PLD5: variants seen among roughly 807,000 people sequenced by gnomAD.
PLD5 encodes phospholipase D family member 5.
A neutral mutation model predicts 61.1 loss-of-function variants in PLD5; 36 were observed. The observed-to-expected ratio is 0.59, with a 90% CI of 0.45 to 0.78. PLD5 has a LOEUF of 0.78. PLD5 is among the 30% of genes least tolerant of loss of function. The pLI, the probability that PLD5 is intolerant of heterozygous loss-of-function variation, is 0.00. For synonymous variants in PLD5, 243 were observed against 242.8 expected (o/e 1.00, Z -0.01); for missense variants, 515 against 644.4 (o/e 0.80, Z 2.17).
chr1:242,296,193 T>C (rs547623226), intron 2 of PLD5, among the ~76,000 whole-genome samples: 362 of 152,316 alleles, frequency 2.4e-3, no homozygotes, highest in African/African-American at 8.0e-3. Flanking sequence ...GTTGCTGATA[T>C]GTCTCCTTTT....
chr1:242,387,782 G>A (rs918073863), intron 1 of PLD5, among the ~76,000 whole-genome samples: 3 of 149,888 alleles, frequency 2.0e-5, no homozygotes, highest in South Asian at 4.2e-4. Flanking sequence ...AAGTGACAAC[G>A]AAAGCTGTTT....
chr1:242,435,132 A>C (rs1341549777), intron 1 of PLD5, among the ~76,000 whole-genome samples: 1 of 152,122 alleles, frequency 6.6e-6, no homozygotes, highest in Non-Finnish European at 1.5e-5. Context: ...CTGAACACAC[A>C]GTACAGTTAG....
At chr1:242,371,720 C>G (rs1558504591) in intron 1 of PLD5, among the ~76,000 whole-genome samples, 1 of 152,120 alleles carries the variant, frequency 6.6e-6, no homozygotes, top group Non-Finnish European at 1.5e-5. Context: ...TCCCTCTTCT[C>G]TGATTACAAG....
In PLD5 at chr1:242,241,991, CTATATATA is replaced by C. The variant is rs71579089; in HGVS notation, c.608-21884_608-21877del. Among the ~76,000 whole-genome samples the C allele has an allele frequency of 1.0e-4, 12 of 115,316 alleles. No individual in the cohort carries two copies. In the East Asian group the frequency reaches 3.0e-3, roughly 29 times the overall value. 75.7% of individuals were successfully genotyped at this position (115,316 alleles called of 152,430 possible). On this transcript the variant is annotated intron_variant, in intron 4 of 9. Coordinates refer to ENST00000536534, the MANE Select transcript of PLD5 (RefSeq NM_001372062.1). ...CTTAAATATATACTATATATACTTACTATATATATATATATATATAGACACACACACAC... is the reference window on the plus strand; with the variant it reads ...CTTAAATATATACTATATATACTTACTATATATATATAGACACACACACAC...
chr1:242,124,646 A>T lies in PLD5; in HGVS notation c.755T>A (p.Ile252Asn). Residue 252 changes from isoleucine (I) to asparagine (N), a missense_variant, in exon 6 of 10, where the codon ATC (isoleucine) becomes AAC (asparagine). Ile to Asn is a moderately radical substitution (Grantham distance 149). This residue lies in a region of PLD5 where 450 missense variants were observed against 598.1 expected (regional missense o/e 0.75). Coordinates refer to ENST00000536534, the MANE Select transcript of PLD5 (RefSeq NM_001372062.1). ...GACCAGGCAGCTGCAGTTGTAGAAG[A>T]TGACACCGAGTTCTTTCATCTGTGA... ...SLGQMKELGV[I>N]FYNCSCLVLD... 6.2e-7 allele frequency: 1 copy of T among 1,613,660 alleles called. No individual in the cohort carries two copies.
chr1:242,112,346 T>G (rs796370936), intron 7 of PLD5, among the ~76,000 whole-genome samples: 2,141 of 150,458 alleles, frequency 0.014, 72 homozygotes, highest in African/African-American at 0.049. Context: ...TGTGTATATA[T>G]ATATATAGAT....
chr1:242,386,382 C>T (rs1470718466), intron 1 of PLD5, among the ~76,000 whole-genome samples: 3 of 152,034 alleles, frequency 2.0e-5, no homozygotes, highest in South Asian at 2.1e-4. Context: ...TTAAGTGATC[C>T]GTGTGAGCAT....
chr1:242,118,947 T>C (rs901636789), intron 6 of PLD5, among the ~76,000 whole-genome samples: 1 of 152,228 alleles, frequency 6.6e-6, no homozygotes, highest in Non-Finnish European at 1.5e-5. Context: ...TCCAACTGTT[T>C]AATTAAAGAG....
chr1:242,319,851 C>T (rs1439232002), intron 2 of PLD5, among the ~76,000 whole-genome samples: 1 of 152,250 alleles, frequency 6.6e-6, no homozygotes, highest in African/African-American at 2.4e-5. Flanking sequence ...CCCCCTCTCA[C>T]ATGTAAAATG....
At chr1:242,469,418 T>C (rs575283104) in intron 1 of PLD5, among the ~76,000 whole-genome samples, 1 of 152,368 alleles carries the variant, frequency 6.6e-6, no homozygotes, top group East Asian at 1.9e-4. Flanking sequence ...TTCAAGTATT[T>C]ATTGTCCACT....
At chr1:242,439,007 T>C (rs1013641881) in intron 1 of PLD5, among the ~76,000 whole-genome samples, 1 of 152,216 alleles carries the variant, frequency 6.6e-6, no homozygotes, top group Non-Finnish European at 1.5e-5. Context: ...TATTTCTGTT[T>C]TCTTTACATG....
chr1:242,176,898 TG>T (rs1332106046), intron 5 of PLD5, among the ~76,000 whole-genome samples: 2 of 152,164 alleles, frequency 1.3e-5, no homozygotes, highest in Non-Finnish European at 2.9e-5. Flanking sequence ...CCAGTTAGTA[TG>T]GGGATAATTT....
intron 2 of PLD5, among the ~76,000 whole-genome samples, chr1:242,317,540 A>C (rs923267597): frequency 6.6e-5 from 10 of 152,198 alleles, no homozygotes; most frequent in Non-Finnish European, 1.2e-4. Flanking sequence ...AGAGAAGTTC[A>C]AATTGAGGCA....
chr1:242,405,507 T>G (rs527283290), intron 1 of PLD5, among the ~76,000 whole-genome samples: 6 of 152,326 alleles, frequency 3.9e-5, no homozygotes. Flanking sequence ...TGCCCATCAC[T>G]TTCAGCTCAC....
chr1:242,113,444 G>A (rs1661700381), intron 7 of PLD5, among the ~76,000 whole-genome samples: 1 of 152,148 alleles, frequency 6.6e-6, no homozygotes, highest in Non-Finnish European at 1.5e-5. Context: ...ATTAAATGAA[G>A]ACTGCTGTGA....
At chr1:242,138,497 G>C (rs1663918145) in intron 5 of PLD5, among the ~76,000 whole-genome samples, 1 of 151,916 alleles carries the variant, frequency 6.6e-6, no homozygotes, top group African/African-American at 2.4e-5. Flanking sequence ...AACACTGGAA[G>C]AAAATATATG....
chr1:242,394,046 C>T lies in PLD5; in HGVS notation c.190-45804G>A, dbSNP rs1014763426. Among the ~76,000 whole-genome samples, 46 of 139,214 alleles carry T rather than the reference C, an allele frequency of 3.3e-4. 10 individuals are homozygous for T. Among genetic ancestry groups the T allele is most frequent in the African/African-American group, 1.2e-3 (44 of 37,066 alleles). 91.3% of individuals were successfully genotyped at this position (139,214 alleles called of 152,430 possible). On this transcript the variant is annotated intron_variant, in intron 1 of 9. Transcript: ENST00000536534. Reference sequence around the variant, plus strand: ...CTGAACTCCAGCCTGGATAAGACGACGACTCCATCTCAAAAAAAAACATAT... The same window carrying T: ...CTGAACTCCAGCCTGGATAAGACGATGACTCCATCTCAAAAAAAAACATAT...
chr1:242,371,966 A>T (rs1055818020), intron 1 of PLD5, among the ~76,000 whole-genome samples: 11 of 151,914 alleles, frequency 7.2e-5, no homozygotes, highest in African/African-American at 2.7e-4. Context: ...TGCTGCACTC[A>T]TCAACCCGTC....
chr1:242,381,453 C>G (rs771989589), intron 1 of PLD5, among the ~76,000 whole-genome samples: 4 of 152,076 alleles, frequency 2.6e-5, no homozygotes, highest in Non-Finnish European at 5.9e-5. Context: ...GAGCTTAATA[C>G]CTAGGTGATG....
Sources: gnomAD v4.1 joint callset for allele counts (sites outside exome capture counted in the v4.1 genomes callset) on GRCh38, gnomAD v4.1.1 for gene constraint, gnomAD v4.1.1 regional missense constraint, MANE v1.5 for transcripts, NCBI Gene and HGNC (gene_info 2026-07-23, HGNC 2026-07-21) for gene names.